The following RPLP2 variants were observed in gnomAD, a reference collection of about 807,000 sequenced individuals.
RPLP2 encodes ribosomal protein lateral stalk subunit P2.
A neutral mutation model predicts 11.5 loss-of-function variants in RPLP2; 1 was observed. The ratio of observed to expected loss-of-function variants is 0.09; its 90% CI spans 0.03 to 0.41. The LOEUF (loss-of-function observed/expected upper bound fraction) is 0.41, where lower values mean the gene tolerates loss of function less well. Ranked by LOEUF, RPLP2 falls within the 10% of genes least tolerant of loss-of-function variation. The probability of loss-of-function intolerance (pLI) is 0.98; values close to 1 mark genes in which losing one functional copy is unlikely to be tolerated. For missense variants in RPLP2, 177 were observed against 145.6 expected, an observed-to-expected ratio of 1.22 and a Z score of -1.11; for synonymous variants, 82 against 55.9, an observed-to-expected ratio of 1.47 and a Z score of -2.08.
chr11:812,783 AAGG>A lies in RPLP2; in HGVS notation c.301_303del (p.Glu101del), dbSNP rs747246105. The A allele has an allele frequency of 1.1e-5, 18 of 1,613,704 alleles. No individual in the cohort carries two copies. In the East Asian group the frequency reaches 1.6e-4, roughly 14 times the overall value. The stretch of plus-strand genomic sequence containing the variant: ...AGCAGAGGAGAAGAAAGATGAGAAG[AAGG>A]AGGAGTCTGAAGAGTCAGATGATGA... On this transcript the variant is annotated inframe_deletion, in exon 5 of 5. Coordinates refer to ENST00000321153, the MANE Select transcript of RPLP2 (RefSeq NM_001004.4).
At position 810,009 on chromosome 11, in the gene RPLP2, TCTC is replaced by T. The variant is rs1565077576; in HGVS notation, c.-30_-28del. ...CCACCGAGGTCGCACGCGTGAGACT[TCTC>T]CGCCGCCTCCGCCGCAGACGCCGCC... is the stretch of plus-strand genomic sequence containing the variant. On this transcript the variant is annotated 5_prime_UTR_variant, in exon 1 of 5. Coordinates refer to ENST00000321153, the MANE Select transcript of RPLP2 (RefSeq NM_001004.4). 86 of 477,338 alleles carry T rather than the reference TCTC, an allele frequency of 1.8e-4. 1 individual carries two copies. Among genetic ancestry groups the T allele is most frequent in the South Asian group, 1.7e-3 (34 of 20,144 alleles). 29.6% of individuals were successfully genotyped at this position (477,338 alleles called of 1,614,324 possible).
At chr11:810,868 C>A (rs1175392112) in intron 2 of RPLP2, among the ~76,000 whole-genome samples, 1 of 143,092 alleles carries the variant, frequency 7.0e-6, no homozygotes, top group Admixed American at 7.5e-5. Flanking sequence ...TACCAGTGAG[C>A]TGCGTAAGAT....
intron 4 of RPLP2, 33 bp from the exon 5 acceptor site, chr11:812,727 C>T: frequency 6.2e-7 from 1 of 1,612,746 alleles, no homozygotes; most frequent in East Asian, 2.2e-5. Flanking sequence ...GGCACTTGGG[C>T]AGTGCTCACC....
chr11:812,604 C>T lies in RPLP2; in HGVS notation c.242C>T (p.Ala81Val). The T allele has an allele frequency of 6.2e-7, 1 of 1,609,618 alleles. No individual in the cohort carries two copies. Among genetic ancestry groups the T allele is most frequent in the Non-Finnish European group, 8.5e-7 (1 of 1,179,806 alleles). ...GTCTCTGCTGCCCCAGGCTCTGCAG[C>T]CCCTGCTGCTGGTTCTGCCCCTGCT... is the stretch of plus-strand genomic sequence containing the variant. ...VAVSAAPGSA[A>V]PAAGSAPAAA... is the part of the protein sequence containing the mutation. Residue 81 changes from alanine to valine, a missense_variant, in exon 4 of 5, where the codon GCC becomes GTC. Ala to Val is a moderately conservative substitution (Grantham distance 64). Coordinates refer to ENST00000321153, the MANE Select transcript of RPLP2 (RefSeq NM_001004.4).
At chr11:810,391 G>A (rs1311423325) in intron 2 of RPLP2, 34 bp downstream of exon 2, 1 of 1,596,600 alleles carries the variant, frequency 6.3e-7, no homozygotes, top group African/African-American at 1.4e-5. Flanking sequence ...GCCGCCGTGG[G>A]GCCCCAGTGT....
At position 812,797 on chromosome 11, in the gene RPLP2, A is replaced by G; in HGVS notation, c.309A>G (p.Glu103=). The change falls in exon 5 of 5, where the codon GAA becomes GAG. Residue 103 remains glutamate (E), a synonymous_variant. Coordinates refer to ENST00000321153, the MANE Select transcript of RPLP2 (RefSeq NM_001004.4). The stretch of plus-strand genomic sequence containing the variant: ...AAGATGAGAAGAAGGAGGAGTCTGA[A>G]GAGTCAGATGATGACATGGGATTTG... ...EKKDEKKEES[E]ESDDDMGFGL... is the part of the protein sequence containing the mutation. The G allele has an allele frequency of 6.2e-7, 1 of 1,613,822 alleles. No individual in the cohort carries two copies. The highest frequency in any genetic ancestry group is 8.5e-7 in the Non-Finnish European group (1 of 1,180,012).
chr11:811,503 G>A (rs114909368), intron 2 of RPLP2, 94 bp from the exon 3 acceptor site: 17 of 1,508,154 alleles, frequency 1.1e-5, no homozygotes, highest in East Asian at 6.8e-5. Flanking sequence ...CTATTCCCAT[G>A]TGGGGAACCC....
intron 4 of RPLP2, 31 bp downstream of exon 4, chr11:812,664 G>C (rs768923568): frequency 6.2e-7 from 1 of 1,611,460 alleles, no homozygotes; most frequent in Non-Finnish European, 8.5e-7. Context: ...TGGGCAAGGG[G>C]CTGGGGCTCA....
chr11:811,630 G>T lies in RPLP2; in HGVS notation c.157G>T (p.Asp53Tyr). 6.2e-7 allele frequency: 1 copy of T among 1,614,214 alleles called. No homozygotes were observed. Among genetic ancestry groups the T allele is most frequent in the Non-Finnish European group, 8.5e-7 (1 of 1,180,024 alleles). ...ISELNGKNIE[D>Y]VIAQGIGKLA... ...TGAGCTGAATGGAAAAAACATTGAAGACGTCATTGCCCAGGGTGAGTTGAT... is the reference window on the plus strand; with the variant it reads ...TGAGCTGAATGGAAAAAACATTGAATACGTCATTGCCCAGGGTGAGTTGAT... Residue 53 changes from aspartate (D) to tyrosine (Y), a missense_variant, in exon 3 of 5, where the codon GAC (aspartate) becomes TAC (tyrosine). Transcript: ENST00000321153.
chr11:812,151 G>A (rs1035052675), intron 3 of RPLP2: 8 of 383,176 alleles, frequency 2.1e-5, no homozygotes, highest in African/African-American at 1.4e-4. Flanking sequence ...ACCACGACAG[G>A]GCCAGCTCAG....
chr11:810,166 GC>G, intron 1 of RPLP2, 67 bp from the exon 2 acceptor site: 1 of 1,397,604 alleles, frequency 7.2e-7, no homozygotes, highest in Non-Finnish European at 9.4e-7. Context: ...TCGCCCGGCG[GC>G]CCCGGGATGG....
chr11:811,997 G>T, intron 3 of RPLP2: 1 of 465,500 alleles, frequency 2.1e-6, no homozygotes, highest in Non-Finnish European at 4.0e-6. Flanking sequence ...GGGGTTGGGG[G>T]CAGGGACTGA....
chr11:810,840 C>G (rs1403988571), intron 2 of RPLP2, among the ~76,000 whole-genome samples: 1 of 142,628 alleles, frequency 7.0e-6, no homozygotes, highest in Non-Finnish European at 1.5e-5. Context: ...TCGTGATTAA[C>G]AAGCTTTGGA....
chr11:809,970 T>G lies in RPLP2; in HGVS notation c.-71T>G, dbSNP rs925917241. On this transcript the variant is annotated 5_prime_UTR_variant, in exon 1 of 5. Transcript: ENST00000321153. ...CCGCCTCTTGCGTCGGCGCCTTCCT[T>G]TTCCTCCCTGTCGCCACCGAGGTCG... 4 of 370,914 alleles carry G rather than the reference T, an allele frequency of 1.1e-5. No individual in the cohort carries two copies. Among genetic ancestry groups the G allele is most frequent in the Middle Eastern group, 7.2e-4 (1 of 1,388 alleles). The allele number at this position is 370,914 out of a possible 1,614,324, so 23.0% of individuals were successfully genotyped here.
At chr11:810,424 C>CTGTA in intron 2 of RPLP2, 67 bp downstream of exon 2, 1 of 1,471,678 alleles carries the variant, frequency 6.8e-7, no homozygotes, top group Non-Finnish European at 9.3e-7. Context: ...ATTCTTCTGC[C>CTGTA]TGATCCGGCC....
intron 3 of RPLP2, chr11:812,323 G>C (rs1309764867): frequency 3.2e-6 from 2 of 625,674 alleles, no homozygotes; most frequent in Admixed American, 2.9e-5. Context: ...ATTCCTAGAA[G>C]GCAAGTCCCT....
intron 4 of RPLP2, 46 bp from the exon 5 acceptor site, chr11:812,714 C>G: frequency 6.2e-7 from 1 of 1,613,162 alleles, no homozygotes. Flanking sequence ...GGGGGACTGG[C>G]CTGGCACTTG....
At chr11:810,094 A>C in intron 1 of RPLP2, 55 bp downstream of exon 1, 1 of 1,045,728 alleles carries the variant, frequency 9.6e-7, no homozygotes, top group Non-Finnish European at 1.3e-6. Flanking sequence ...GTCCGTGGGG[A>C]TGCGGGGTGG....
In RPLP2 at chr11:810,773, G is replaced by C. The variant is rs538682376; in HGVS notation, c.123+416G>C. Among the ~76,000 whole-genome samples the C allele has an allele frequency of 1.5e-4, 22 of 146,282 alleles. No homozygotes were observed. The East Asian group carries it at 4.2e-3, about 28-fold the overall frequency. ...TGTACTCCAGTCTGGGTGGCAGAAG[G>C]AGACCCTGTCTCAAAAGGAAAAAAA... On this transcript the variant is annotated intron_variant, in intron 2 of 4. Coordinates refer to ENST00000321153, the MANE Select transcript of RPLP2 (RefSeq NM_001004.4).
Sources: allele counts gnomAD v4.1 joint callset (sites outside exome capture counted in the v4.1 genomes callset), GRCh38; gene constraint gnomAD v4.1.1; transcripts MANE v1.5; gene names NCBI Gene and HGNC (gene_info 2026-07-23, HGNC 2026-07-21).